Variants in SLC12A1 observed in about 807,000 individuals in gnomAD.
The protein encoded by SLC12A1 is Na-K-2Cl cotransporter.
A neutral mutation model predicts 130.4 loss-of-function variants in SLC12A1; 89 were observed. That is an observed-to-expected ratio of 0.68 (90% confidence interval 0.58 to 0.81). The LOEUF (loss-of-function observed/expected upper bound fraction) is 0.81, where lower values mean the gene tolerates loss of function less well. Among genes scored for constraint, SLC12A1 ranks in the 40% least tolerant of loss-of-function variants. SLC12A1 has a pLI of 0.00. For synonymous variants in SLC12A1, 499 were observed against 460.0 expected (o/e 1.08, Z -1.09); for missense variants, 1,310 against 1,336.4 (o/e 0.98, Z 0.31).
At chr15:48,290,521 GGTTT>G (rs1324544125) in intron 23 of SLC12A1, among the ~76,000 whole-genome samples, 2 of 152,086 alleles carry the variant, frequency 1.3e-5, no homozygotes, top group African/African-American at 4.8e-5. Flanking sequence ...CAGTGCAGTT[GGTTT>G]GTTTACACCA....
chr15:48,257,277 T>C (rs2041718575), intron 16 of SLC12A1, among the ~76,000 whole-genome samples: 2 of 152,232 alleles, frequency 1.3e-5, no homozygotes, highest in South Asian at 4.2e-4. Context: ...GTGTTGAGTG[T>C]CTGCAGCTTT....
chr15:48,257,207 C>A (rs1003234529), intron 16 of SLC12A1, among the ~76,000 whole-genome samples: 1 of 152,200 alleles, frequency 6.6e-6, no homozygotes, highest in African/African-American at 2.4e-5. Flanking sequence ...AGGTGTTGAG[C>A]AGCTCTGCCC....
intron 20 of SLC12A1, among the ~76,000 whole-genome samples, chr15:48,284,860 G>A (rs573231935): frequency 2.8e-4 from 43 of 152,066 alleles, no homozygotes; most frequent in African/African-American, 9.9e-4. Context: ...CAAACTCCTG[G>A]GCTCAAACGA....
At chr15:48,260,308 GC>G (rs2041758719) in intron 17 of SLC12A1, among the ~76,000 whole-genome samples, 1 of 146,424 alleles carries the variant, frequency 6.8e-6, no homozygotes, top group African/African-American at 2.5e-5. Context: ...CTCCACACTA[GC>G]CCACCTCTAC....
rs576751101 is a variant in SLC12A1, at chr15:48,260,281, AT to A, written c.2154+971del. Among the ~76,000 whole-genome samples, 729 of 151,134 alleles carry A rather than the reference AT, an allele frequency of 4.8e-3. 8 individuals carry two copies. The highest frequency in any genetic ancestry group is 0.045 in the Middle Eastern group (13 of 292). ...CTCCATAATAATAATAATAATAATAATAATAAAGTCTAAGTCCTCCACACTA... is the reference window on the plus strand; with the variant it reads ...CTCCATAATAATAATAATAATAATAAAATAAAGTCTAAGTCCTCCACACTA... On this transcript the variant is annotated intron_variant, in intron 17 of 26. Coordinates refer to ENST00000380993, the MANE Select transcript of SLC12A1 (RefSeq NM_000338.3).
In SLC12A1 at chr15:48,249,688, T is replaced by C; in HGVS notation, c.1786+12T>C. On this transcript the variant is annotated intron_variant, in intron 14 of 26. Coordinates refer to ENST00000380993, the MANE Select transcript of SLC12A1 (RefSeq NM_000338.3). ...TGCCAAATCTCCAGGTAAGCTGACTTCCAAACTAAAATATGCCTAAGCAAA... is the reference window on the plus strand; with the variant it reads ...TGCCAAATCTCCAGGTAAGCTGACTCCCAAACTAAAATATGCCTAAGCAAA... The C allele has an allele frequency of 6.3e-7, 1 of 1,574,964 alleles. No homozygotes were observed. Among genetic ancestry groups the C allele is most frequent in the East Asian group, 2.2e-5 (1 of 44,720 alleles).
chr15:48,261,442 C>G (rs555183611), intron 17 of SLC12A1, among the ~76,000 whole-genome samples: 8 of 152,338 alleles, frequency 5.3e-5, no homozygotes, highest in Non-Finnish European at 1.2e-4. Flanking sequence ...TTATACATTA[C>G]TATACTGGTC....
At position 48,290,434 on chromosome 15, in the gene SLC12A1, C is replaced by G. The variant is rs147986210; in HGVS notation, c.2874-1344C>G. 1.3e-3 allele frequency among the ~76,000 whole-genome samples: 205 copies of G among 152,228 alleles called. 1 individual carries two copies. Among genetic ancestry groups the G allele is most frequent in the Non-Finnish European group, 2.4e-3 (162 of 68,014 alleles). ...AAGGTATAGTATGTAAACACATAACCAGTAACAGTCATTTATTATGTTATC... is the reference window on the plus strand; with the variant it reads ...AAGGTATAGTATGTAAACACATAACGAGTAACAGTCATTTATTATGTTATC... On this transcript the variant is annotated intron_variant, in intron 23 of 26. Coordinates refer to ENST00000380993, the MANE Select transcript of SLC12A1 (RefSeq NM_000338.3).
In SLC12A1 at chr15:48,219,022, C is replaced by A. The variant is rs572245966; in HGVS notation, c.421-1612C>A. Among the ~76,000 whole-genome samples the A allele has an allele frequency of 1.3e-4, 20 of 152,246 alleles. No homozygotes were observed. In the South Asian group the frequency reaches 4.1e-3, roughly 32 times the overall value. On this transcript the variant is annotated intron_variant, in intron 2 of 26. Coordinates refer to ENST00000380993, the MANE Select transcript of SLC12A1 (RefSeq NM_000338.3). ...TTCAAAATGAGGCCACAGGAAAAAA[C>A]CATATAAAAGTTTAAACCCTTATTT...
chr15:48,268,329 T>A (rs2041856043), intron 18 of SLC12A1, among the ~76,000 whole-genome samples: 1 of 152,156 alleles, frequency 6.6e-6, no homozygotes, highest in African/African-American at 2.4e-5. Context: ...CGTCATAATT[T>A]AGAGTGACAA....
intron 19 of SLC12A1, among the ~76,000 whole-genome samples, chr15:48,271,889 C>G (rs895707515): frequency 2.6e-5 from 4 of 152,254 alleles, no homozygotes; most frequent in African/African-American, 9.6e-5. Flanking sequence ...TACCCAGATT[C>G]TTCAGTAAAA....
intron 20 of SLC12A1, among the ~76,000 whole-genome samples, chr15:48,279,429 G>T (rs922059835): frequency 6.6e-6 from 1 of 152,142 alleles, no homozygotes; most frequent in African/African-American, 2.4e-5. Flanking sequence ...GCAGTGAATA[G>T]AAATCAGCTT....
chr15:48,289,434 A>G (rs930078042), intron 23 of SLC12A1, among the ~76,000 whole-genome samples: 1 of 108,988 alleles, frequency 9.2e-6, no homozygotes, highest in African/African-American at 4.0e-5. Context: ...TATATAATGT[A>G]TAACTATGTA....
chr15:48,259,604 A>G (rs1025676021), intron 17 of SLC12A1, among the ~76,000 whole-genome samples: 1 of 152,228 alleles, frequency 6.6e-6, no homozygotes, highest in Non-Finnish European at 1.5e-5. Context: ...AAATAAAATG[A>G]AGGCATTTGG....
chr15:48,235,464 T>C (rs2041429487), intron 9 of SLC12A1: 1 of 192,164 alleles, frequency 5.2e-6, no homozygotes, highest in Non-Finnish European at 1.1e-5. Flanking sequence ...GGGAATGTTA[T>C]AAAAGACCAG....
rs2041330585 is a variant in SLC12A1 at position 48,228,940 on chromosome 15, G to C, written c.725-249G>C. On this transcript the variant is annotated intron_variant, in intron 5 of 26. Coordinates refer to ENST00000380993, the MANE Select transcript of SLC12A1 (RefSeq NM_000338.3). Reference sequence around the variant, plus strand: ...AAATTTTGCTGTGTTCTTTTTTGTAGCTTTTTTACATTTATGTTTTAATAG... The same window carrying C: ...AAATTTTGCTGTGTTCTTTTTTGTACCTTTTTTACATTTATGTTTTAATAG... 8.8e-6 allele frequency: 3 copies of C among 340,894 alleles called. No individual in the cohort carries two copies. In the South Asian group the frequency reaches 3.8e-4, roughly 43 times the overall value. The allele number at this position is 340,894 out of a possible 1,614,324, so 21.1% of individuals were successfully genotyped here.
rs114204396 is a variant in SLC12A1, at chr15:48,260,069, A to T, written c.2154+758A>T. On this transcript the variant is annotated intron_variant, in intron 17 of 26. Coordinates refer to ENST00000380993, the MANE Select transcript of SLC12A1 (RefSeq NM_000338.3). ...GATCACCTGAGGTCAGGAGTTCGAG[A>T]CCATGACGATCATGGCAAAACCCTC... 4.9e-3 allele frequency among the ~76,000 whole-genome samples: 743 copies of T among 152,106 alleles called. 8 individuals carry two copies. The highest frequency in any genetic ancestry group is 0.044 in the Middle Eastern group (13 of 294).
At chr15:48,229,372 A>C in intron 6 of SLC12A1, 44 bp downstream of exon 6, 1 of 1,552,920 alleles carries the variant, frequency 6.4e-7, no homozygotes, top group South Asian at 1.2e-5. Flanking sequence ...AGCATAATTT[A>C]GTTTAGTTTG....
chr15:48,249,440 C>T (rs1213574026), intron 13 of SLC12A1, 135 bp from the exon 14 acceptor site: 2 of 706,100 alleles, frequency 2.8e-6, no homozygotes, highest in African/African-American at 3.5e-5. Context: ...AGAAAAATGA[C>T]TAACTTCTTA....
Sources: gnomAD v4.1 joint callset for allele counts (sites outside exome capture counted in the v4.1 genomes callset) on GRCh38, gnomAD v4.1.1 for gene constraint, MANE v1.5 for transcripts, NCBI Gene and HGNC (gene_info 2026-07-23, HGNC 2026-07-21) for gene names.